Variants in RARB observed in about 807,000 individuals in gnomAD.
The protein encoded by RARB is HBV-activated protein.
In RARB, 17 loss-of-function variants were observed where a neutral mutation model predicts 51.9. The ratio of observed to expected loss-of-function variants is 0.33; its 90% CI spans 0.22 to 0.49. The LOEUF is 0.49. Among genes scored for constraint, RARB ranks in the 20% least tolerant of loss-of-function variants. The pLI is 0.99. For missense variants in RARB, 369 were observed against 550.8 expected, an observed-to-expected ratio of 0.67 and a Z score of 3.30; for synonymous variants, 215 against 195.4, an observed-to-expected ratio of 1.10 and a Z score of -0.84.
intron 5 of RARB, among the ~76,000 whole-genome samples, chr3:25,281,404 C>G (rs1559342775): frequency 6.6e-6 from 1 of 152,212 alleles, no homozygotes; most frequent in East Asian, 1.9e-4. Context: ...TATGACTTCA[C>G]TTTGGCTGGG....
intron 2 of RARB, among the ~76,000 whole-genome samples, chr3:24,961,062 T>C (rs1360773592): frequency 6.6e-6 from 1 of 152,206 alleles, no homozygotes; most frequent in African/African-American, 2.4e-5. Flanking sequence ...GATAAAACTA[T>C]TAAATAAGAG....
chr3:25,362,530 C>T (rs115579538), intron 5 of RARB, among the ~76,000 whole-genome samples: 2,994 of 152,266 alleles, frequency 0.02, 92 homozygotes, highest in African/African-American at 0.064. Context: ...ATGGAAAATA[C>T]TTCTGCAGCT....
chr3:25,497,122 T>C (rs1373585071), intron 2 of RARB, among the ~76,000 whole-genome samples: 1 of 152,164 alleles, frequency 6.6e-6, no homozygotes, highest in Non-Finnish European at 1.5e-5. Flanking sequence ...GACCCTCAGG[T>C]GATCCGCCCA....
chr3:25,060,514 C>G (rs1028316314), intron 3 of RARB, among the ~76,000 whole-genome samples: 1 of 151,858 alleles, frequency 6.6e-6, no homozygotes, highest in Admixed American at 6.6e-5. Flanking sequence ...GATACTCAAC[C>G]TTGCTGTTGT....
rs1176064930 is a variant in RARB, at chr3:25,501,362, T to C, written c.448+39T>C. The C allele has an allele frequency of 4.4e-6, 7 of 1,599,642 alleles. No homozygotes were observed. The South Asian group carries it at 6.8e-5, about 16-fold the overall frequency. Reference sequence around the variant, plus strand: ...CAAAAAACTTTTTCCCTGTTTTCCTTATCTCTGTGATTTGCTCACCTTCCA... The same window carrying C: ...CAAAAAACTTTTTCCCTGTTTTCCTCATCTCTGTGATTTGCTCACCTTCCA... On this transcript the variant is annotated intron_variant, in intron 3 of 7. Transcript: ENST00000330688.
At chr3:25,190,089 A>G (rs188012480) in intron 5 of RARB, among the ~76,000 whole-genome samples, 1 of 152,100 alleles carries the variant, frequency 6.6e-6, no homozygotes, top group Non-Finnish European at 1.5e-5. Context: ...ATTGTGATGC[A>G]TAGGGGTTGG....
Position 25,094,605 on chromosome 3 carries a change from C to T in RARB, c.-328+34429C>T, listed in dbSNP as rs1444467321. 5.5e-5 allele frequency among the ~76,000 whole-genome samples: 8 copies of T among 146,262 alleles called. No individual in the cohort carries two copies. The Admixed American group carries it at 5.7e-4, about 10-fold the overall frequency. On this transcript the variant is annotated intron_variant, in intron 3 of 11. Transcript: ENST00000383772. ...TGATGGCATGCGCCTGTGGTCCCAG[C>T]TATTCAGGAGGCTTAGGGAGAGGAT...
intron 2 of RARB, among the ~76,000 whole-genome samples, chr3:25,483,473 C>T (rs1335886481): frequency 6.6e-6 from 1 of 150,656 alleles, no homozygotes; most frequent in African/African-American, 2.4e-5. Context: ...TTCTTGACCT[C>T]TAGACCCTGG....
Position 25,525,788 on chromosome 3 carries a change from A to G in RARB, c.448+24465A>G, listed in dbSNP as rs117962312. Among the ~76,000 whole-genome samples the G allele has an allele frequency of 5.0e-3, 757 of 152,290 alleles. 22 individuals are homozygous for G. The highest frequency in any genetic ancestry group is 0.043 in the East Asian group (221 of 5,162). The stretch of plus-strand genomic sequence containing the variant: ...GAGCATCATGGAGGTAAAGGGGTCT[A>G]TTTTATGAAAAGTGGTCACGGATGG... On this transcript the variant is annotated intron_variant, in intron 3 of 7. Coordinates refer to ENST00000330688, the MANE Select transcript of RARB (RefSeq NM_000965.5).
At chr3:25,479,952 C>G (rs536399814) in intron 2 of RARB, among the ~76,000 whole-genome samples, 1 of 152,276 alleles carries the variant, frequency 6.6e-6, no homozygotes, top group East Asian at 1.9e-4. Context: ...GCCCATTACC[C>G]TTGAATAATA....
intron 2 of RARB, among the ~76,000 whole-genome samples, chr3:25,007,551 C>T (rs9853245): frequency 0.33 from 45,182 of 136,320 alleles, 9,108 homozygotes; most frequent in African/African-American, 0.59. Context: ...GCTGAGATTG[C>T]GCCATTGCAT....
chr3:25,343,740 A>G (rs879504372), intron 5 of RARB, among the ~76,000 whole-genome samples: 1 of 152,174 alleles, frequency 6.6e-6, no homozygotes, highest in Non-Finnish European at 1.5e-5. Flanking sequence ...ATGTAACCCC[A>G]AAAGGATTCC....
chr3:25,159,704 G>C (rs952770214), intron 4 of RARB, among the ~76,000 whole-genome samples: 1 of 152,134 alleles, frequency 6.6e-6, no homozygotes, highest in African/African-American at 2.4e-5. Flanking sequence ...ACAACAAAAA[G>C]GGGGGCAGGT....
chr3:25,332,655 A>G (rs1376511807), intron 5 of RARB, among the ~76,000 whole-genome samples: 4 of 152,234 alleles, frequency 2.6e-5, no homozygotes, highest in Non-Finnish European at 5.9e-5. Context: ...TATTCAGCAT[A>G]GTGCTGGAAG....
intron 5 of RARB, among the ~76,000 whole-genome samples, chr3:25,391,440 A>G (rs1009059826): frequency 6.6e-6 from 1 of 152,052 alleles, no homozygotes; most frequent in Non-Finnish European, 1.5e-5. Context: ...CAAATAATAG[A>G]TCTACTTTTA....
At chr3:25,109,466 C>T (rs1699563409) in intron 3 of RARB, among the ~76,000 whole-genome samples, 1 of 152,172 alleles carries the variant, frequency 6.6e-6, no homozygotes. Flanking sequence ...ATAATTTGTA[C>T]AAGTACAAAA....
intron 5 of RARB, among the ~76,000 whole-genome samples, chr3:25,356,210 TCTAGC>T (rs778811169): frequency 1.3e-5 from 2 of 152,144 alleles, no homozygotes; most frequent in Non-Finnish European, 2.9e-5. Flanking sequence ...TTTAGAATCT[TCTAGC>T]CTAGTTTCTT....
chr3:25,055,995 G>A (rs867116056), intron 2 of RARB, among the ~76,000 whole-genome samples: 2 of 152,062 alleles, frequency 1.3e-5, no homozygotes, highest in Non-Finnish European at 2.9e-5. Context: ...AATGCTGTGG[G>A]AACAGAGTTT....
chr3:25,120,533 C>CTCTCTCTCTG (rs1699767189), intron 3 of RARB, among the ~76,000 whole-genome samples: 1 of 149,828 alleles, frequency 6.7e-6, no homozygotes, highest in Non-Finnish European at 1.5e-5. Context: ...AAAAATCTCT[C>CTCTCTCTCTG]TCTCTCTCTC....
Sources: allele counts gnomAD v4.1 joint callset (sites outside exome capture counted in the v4.1 genomes callset), GRCh38; gene constraint gnomAD v4.1.1; transcripts MANE v1.5; gene names NCBI Gene and HGNC (gene_info 2026-07-23, HGNC 2026-07-21).